Variants in DAPK2 observed in about 807,000 individuals in gnomAD.
The protein encoded by DAPK2 is death-associated protein kinase 2.
DAPK2 carries 35 observed loss-of-function variants against 44.1 expected under a neutral mutation model. The ratio of observed to expected loss-of-function variants is 0.79; its 90% CI spans 0.61 to 1.05. The LOEUF (loss-of-function observed/expected upper bound fraction) is 1.05, where lower values mean the gene tolerates loss of function less well. DAPK2 is among the 50% of genes least tolerant of loss of function. The probability of loss-of-function intolerance (pLI) is 0.00; values close to 1 mark genes in which losing one functional copy is unlikely to be tolerated. For missense variants in DAPK2, 453 were observed against 483.2 expected (o/e 0.94, Z 0.59); for synonymous variants, 174 against 182.6 (o/e 0.95, Z 0.38).
At chr15:63,930,359 C>A in intron 5 of DAPK2, 48 bp downstream of exon 6, 2 of 1,589,862 alleles carry the variant, frequency 1.3e-6, no homozygotes, top group South Asian at 2.2e-5. Context: ...TGAGGCCTTC[C>A]GCCCTTGGAA....
intron 6 of DAPK2, among the ~76,000 whole-genome samples, chr15:63,929,312 G>A (rs1035516541): frequency 2.0e-5 from 3 of 152,144 alleles, no homozygotes; most frequent in Admixed American, 6.5e-5. Context: ...GCAGACACAG[G>A]TTGTGCAGAG....
In DAPK2 at chr15:64,020,853, G is replaced by A. The variant is rs1258025573; in HGVS notation, c.92+19317C>T. 1.3e-5 allele frequency among the ~76,000 whole-genome samples: 2 copies of A among 152,186 alleles called. No individual in the cohort carries two copies. Among genetic ancestry groups the A allele is most frequent in the Non-Finnish European group, 2.9e-5 (2 of 68,038 alleles). On this transcript the variant is annotated intron_variant, in intron 1 of 10. Coordinates refer to ENST00000261891, the Ensembl canonical transcript of DAPK2. The surrounding 1 kb of genome is among the most constrained non-coding windows in gnomAD (Gnocchi z 4.5). ...TCTATGGAGTAATGGAAAGGGCAAA[G>A]GACCTGGAGTGCAAAGACCCACATT...
At chr15:63,922,253 C>T (rs1267732788) in intron 8 of DAPK2, 13 of 985,890 alleles carry the variant, frequency 1.3e-5, no homozygotes, top group Non-Finnish European at 1.4e-5. Flanking sequence ...TCAATGCAAA[C>T]GAAAGGCAAT....
intron 1 of DAPK2, among the ~76,000 whole-genome samples, chr15:64,033,272 G>A (rs1421819504): frequency 2.7e-5 from 3 of 109,344 alleles, no homozygotes; most frequent in African/African-American, 1.1e-4. Flanking sequence ...GGAGGGGGAG[G>A]GGGAAGGGGG....
chr15:63,956,517 A>G (rs2077726999), intron 3 of DAPK2, among the ~76,000 whole-genome samples: 1 of 151,976 alleles, frequency 6.6e-6, no homozygotes, highest in African/African-American at 2.4e-5. Context: ...ATAGTTTCCA[A>G]AATTCCTCGT....
At chr15:63,975,638 G>T (rs1366510681) in intron 2 of DAPK2, among the ~76,000 whole-genome samples, 1 of 147,994 alleles carries the variant, frequency 6.8e-6, no homozygotes, top group Non-Finnish European at 1.5e-5. Flanking sequence ...TCATTCTGTT[G>T]CCCAGGCTGG....
intron 1 of DAPK2, among the ~76,000 whole-genome samples, chr15:64,006,036 C>CAAA (rs35338084): frequency 8.6e-5 from 8 of 92,862 alleles, no homozygotes; most frequent in Non-Finnish European, 9.0e-5. Flanking sequence ...GATCCTGACT[C>CAAA]AAAAAAAAAA....
intron 1 of DAPK2, among the ~76,000 whole-genome samples, chr15:64,027,412 C>A (rs187473481): frequency 0.014 from 2,061 of 149,704 alleles, 29 homozygotes; most frequent in African/African-American, 0.039. Context: ...AAAAAAAAAA[C>A]CCCAAAATTA....
chr15:64,016,848 GA>G (rs1280864373), intron 1 of DAPK2, among the ~76,000 whole-genome samples: 93 of 40,494 alleles, frequency 2.3e-3, no homozygotes, highest in African/African-American at 5.8e-3. Context: ...GGGAAGGAAG[GA>G]AGGAAGGAAG....
intron 8 of DAPK2, chr15:63,920,568 T>C (rs1357366717): frequency 6.6e-6 from 1 of 152,170 alleles, no homozygotes; most frequent in Non-Finnish European, 1.5e-5. Context: ...ACAAATATTG[T>C]ATATGATATT....
At chr15:63,946,424 C>A (rs1274500157) in intron 3 of DAPK2, among the ~76,000 whole-genome samples, 11 of 152,228 alleles carry the variant, frequency 7.2e-5, no homozygotes, top group Admixed American at 7.2e-4. Context: ...TGGACAGACA[C>A]TGGAGCTCTT....
In DAPK2 at chr15:63,960,483, A is replaced by C. The variant is rs554355095; in HGVS notation, c.453+10940T>G. On this transcript the variant is annotated intron_variant, in intron 3 of 10. Coordinates refer to ENST00000261891, the Ensembl canonical transcript of DAPK2. ...GATCTTTCCTGCTTTCTCTTGTGGG[A>C]ATTTAGTGCTATAAATTTCCCTCTA... Among the ~76,000 whole-genome samples, 23 of 141,064 alleles carry C rather than the reference A, an allele frequency of 1.6e-4. No individual in the cohort carries two copies. In the South Asian group the frequency reaches 2.2e-3, roughly 13 times the overall value. The allele number at this position is 141,064 out of a possible 152,430, so 92.5% of individuals were successfully genotyped here.
At chr15:63,996,486 C>G (rs776781528) in intron 1 of DAPK2, among the ~76,000 whole-genome samples, 1 of 152,082 alleles carries the variant, frequency 6.6e-6, no homozygotes, top group Non-Finnish European at 1.5e-5. Context: ...ATGAGACACC[C>G]GGGCCTTATT....
intron 2 of DAPK2, among the ~76,000 whole-genome samples, chr15:63,973,049 T>C (rs927014044): frequency 6.6e-6 from 1 of 152,198 alleles, no homozygotes; most frequent in Admixed American, 6.5e-5. Flanking sequence ...CCATCACAGA[T>C]TCATAGTGCC....
At chr15:63,989,188 CAAA>C (rs55972299) in intron 1 of DAPK2, among the ~76,000 whole-genome samples, 126 of 109,826 alleles carry the variant, frequency 1.1e-3, no homozygotes, top group African/African-American at 4.2e-3. Flanking sequence ...ACTTTGTCTC[CAAA>C]AAAAAAAAAA....
chr15:63,985,199 G>A (rs537451959), intron 1 of DAPK2, among the ~76,000 whole-genome samples: 45 of 128,732 alleles, frequency 3.5e-4, no homozygotes, highest in African/African-American at 1.1e-3. Flanking sequence ...ACTGGGCAGA[G>A]AAGGCTTTGT....
intron 3 of DAPK2, among the ~76,000 whole-genome samples, chr15:63,961,326 C>G (rs1000618346): frequency 2.0e-5 from 3 of 152,116 alleles, no homozygotes; most frequent in African/African-American, 4.8e-5. Flanking sequence ...TTAATTGGAG[C>G]ATTTAGCCCA....
chr15:63,955,260 C>T (rs1299421397), intron 3 of DAPK2, among the ~76,000 whole-genome samples: 2 of 152,170 alleles, frequency 1.3e-5, no homozygotes, highest in African/African-American at 2.4e-5. Flanking sequence ...AGGTTTTACC[C>T]ACTCAGTATG....
At chr15:64,036,280 T>G (rs1170620879) in intron 1 of DAPK2, among the ~76,000 whole-genome samples, 1 of 88,502 alleles carries the variant, frequency 1.1e-5, no homozygotes, top group South Asian at 3.7e-4. Flanking sequence ...TATATGTGTG[T>G]GTGTGTGTGT....
Sources: allele counts gnomAD v4.1 joint callset (sites outside exome capture counted in the v4.1 genomes callset), GRCh38; gene constraint gnomAD v4.1.1; non-coding constraint Gnocchi (gnomAD v3.1); transcripts MANE v1.5; gene names NCBI Gene and HGNC (gene_info 2026-07-23, HGNC 2026-07-21).